GOT1: variants seen among roughly 807,000 people sequenced by gnomAD.
The protein encoded by GOT1 is glutamic-oxaloacetic transaminase 1, also known as aspartate aminotransferase, cytoplasmic.
GOT1 carries 25 observed loss-of-function variants against 48.2 expected under a neutral mutation model. The ratio of observed to expected loss-of-function variants is 0.52; its 90% confidence interval spans 0.38 to 0.72. The LOEUF (loss-of-function observed/expected upper bound fraction) is 0.72. Ranked by LOEUF, GOT1 falls within the 30% of genes least tolerant of loss-of-function variation. The pLI, the probability that GOT1 is intolerant of heterozygous loss-of-function variation, is 0.00. For missense variants in GOT1, 380 were observed against 520.1 expected, an observed-to-expected ratio of 0.73 and a Z score of 2.62; for synonymous variants, 188 against 193.8, an observed-to-expected ratio of 0.97 and a Z score of 0.25.
chr10:99,404,179 T>C (rs2032723676), intron 5 of GOT1, among the ~76,000 whole-genome samples: 1 of 152,178 alleles, frequency 6.6e-6, no homozygotes, highest in African/African-American at 2.4e-5. Context: ...TTTTCCTCTG[T>C]GAATTTCTGG....
At chr10:99,416,116 A>G (rs1284748900) in intron 2 of GOT1, among the ~76,000 whole-genome samples, 1 of 152,332 alleles carries the variant, frequency 6.6e-6, no homozygotes, top group East Asian at 1.9e-4. Flanking sequence ...AGAAAGAAAT[A>G]CAAGGTATTC....
In GOT1 at chr10:99,397,949, C is replaced by T. The variant is rs1209508492; in HGVS notation, c.1103-263G>A. Among the ~76,000 whole-genome samples the T allele has an allele frequency of 6.6e-6, 1 of 152,158 alleles. No homozygotes were observed. The highest frequency in any genetic ancestry group is 6.5e-5 in the Admixed American group (1 of 15,280). ...GGAATTTTAATCTGAGATTGCCTTC[C>T]AACCAAGCCTTATACATTATATCCA... On this transcript the variant is annotated intron_variant, in intron 8 of 8. Transcript: ENST00000370508. The surrounding 1 kb of genome is among the most constrained non-coding windows in gnomAD (Gnocchi z 5.4).
Position 99,430,604 on chromosome 10 carries a change from C to G in GOT1, c.-39G>C. The G allele has an allele frequency of 6.6e-7, 1 of 1,521,056 alleles. No homozygotes were observed. The highest frequency in any genetic ancestry group is 1.2e-5 in the South Asian group (1 of 80,988). The allele number at this position is 1,521,056 out of a possible 1,614,324, so 94.2% of individuals were successfully genotyped here. On this transcript the variant is annotated 5_prime_UTR_variant, in exon 1 of 9. Coordinates refer to ENST00000370508, the MANE Select transcript of GOT1 (RefSeq NM_002079.3). The stretch of plus-strand genomic sequence containing the variant: ...GAATCAAGAGATTTCACCCCACGCC[C>G]GGAGCTGGCAGGTCAGGTCTGGCCG...
Position 99,412,573 on chromosome 10 carries a change from C to T in GOT1, c.301-5724G>A, listed in dbSNP as rs1463390800. 2.6e-5 allele frequency among the ~76,000 whole-genome samples: 4 copies of T among 151,942 alleles called. No individual in the cohort carries two copies. In the East Asian group the frequency reaches 7.8e-4, roughly 30 times the overall value. ...GAAACCTCTGCAGACTTAAATGTCC[C>T]TGTCTGACAGCTTTGAAGAGAGTAG... On this transcript the variant is annotated intron_variant, in intron 2 of 8. Coordinates refer to ENST00000370508, the MANE Select transcript of GOT1 (RefSeq NM_002079.3).
At chr10:99,401,014 A>T (rs1161568647) in intron 8 of GOT1, among the ~76,000 whole-genome samples, 2 of 152,222 alleles carry the variant, frequency 1.3e-5, no homozygotes, top group Non-Finnish European at 2.9e-5. Flanking sequence ...AAGCGCTAAA[A>T]ATATAACTTT....
chr10:99,408,232 C>A (rs2032785596), intron 2 of GOT1, among the ~76,000 whole-genome samples: 1 of 152,122 alleles, frequency 6.6e-6, no homozygotes, highest in African/African-American at 2.4e-5. Flanking sequence ...CAGCACAAAT[C>A]CAGGTTTTCC....
chr10:99,400,844 G>A (rs1841223339), intron 8 of GOT1, among the ~76,000 whole-genome samples: 1 of 152,192 alleles, frequency 6.6e-6, no homozygotes, highest in Non-Finnish European at 1.5e-5. Flanking sequence ...GAGAGGCTGA[G>A]GCAGGAGAAT....
At chr10:99,422,614 T>C (rs1006655573) in intron 1 of GOT1, among the ~76,000 whole-genome samples, 4 of 152,168 alleles carry the variant, frequency 2.6e-5, no homozygotes, top group Non-Finnish European at 4.4e-5. Flanking sequence ...CCCATTCTTA[T>C]CCTCTATCTA....
At chr10:99,407,432 A>C (rs192848640) in intron 2 of GOT1, among the ~76,000 whole-genome samples, 10 of 140,390 alleles carry the variant, frequency 7.1e-5, no homozygotes, top group Non-Finnish European at 1.6e-4. Context: ...GCTTCCTCTC[A>C]TTTTTTTTTT....
chr10:99,427,307 T>A (rs185112782), intron 1 of GOT1, among the ~76,000 whole-genome samples: 2 of 152,298 alleles, frequency 1.3e-5, no homozygotes, highest in Admixed American at 1.3e-4. Flanking sequence ...CTCACTCTGT[T>A]GCCCAGGCTG....
At chr10:99,428,771 C>G (rs969421802) in intron 1 of GOT1, among the ~76,000 whole-genome samples, 2 of 152,182 alleles carry the variant, frequency 1.3e-5, no homozygotes, top group Non-Finnish European at 2.9e-5. Context: ...ATTAAGAGAC[C>G]AAATGGTGTC....
intron 8 of GOT1, among the ~76,000 whole-genome samples, chr10:99,398,954 C>T (rs1297041399): frequency 6.6e-6 from 1 of 152,178 alleles, no homozygotes; most frequent in Non-Finnish European, 1.5e-5. Context: ...CTGGGCTGTA[C>T]ACTGCCCCCG....
chr10:99,397,566 G>A lies in GOT1; in HGVS notation c.1223C>T (p.Ala408Val). The A allele has an allele frequency of 6.2e-7, 1 of 1,614,074 alleles. No homozygotes were observed. Among genetic ancestry groups the A allele is most frequent in the Non-Finnish European group, 8.5e-7 (1 of 1,180,012 alleles). Residue 408 changes from alanine (A) to valine (V), a missense_variant, in exon 9 of 9, where the codon GCA (alanine) becomes GTA (valine). Physicochemically the swap from Ala to Val is moderately conservative, Grantham distance 64. Transcript: ENST00000370508. The surrounding 1 kb of genome is among the most constrained non-coding windows in gnomAD (Gnocchi z 5.4). ...LDYVATSIHE[A>V]VTKIQ ...GTTTCTTCACTGGATTTTGGTGACTGCTTCATGGATGGAGGTGGCCACGTA... is the reference window on the plus strand; with the variant it reads ...GTTTCTTCACTGGATTTTGGTGACTACTTCATGGATGGAGGTGGCCACGTA...
chr10:99,425,239 G>C (rs73328383), intron 1 of GOT1, among the ~76,000 whole-genome samples: 4,658 of 152,338 alleles, frequency 0.031, 233 homozygotes, highest in African/African-American at 0.1. Flanking sequence ...AGAGGCCTGG[G>C]GAGCATGAGG....
intron 7 of GOT1, 115 bp downstream of exon 7, chr10:99,403,354 A>C (rs1022356005): frequency 4.5e-5 from 38 of 840,210 alleles, no homozygotes; most frequent in Non-Finnish European, 7.2e-5. Flanking sequence ...AAGAAGTTAA[A>C]GTAATTTTAT....
chr10:99,402,657 A>G lies in GOT1; in HGVS notation c.1025T>C (p.Leu342Pro). 5 of 1,613,682 alleles carry G rather than the reference A, an allele frequency of 3.1e-6. No individual in the cohort carries two copies. The highest frequency in any genetic ancestry group is 1.3e-5 in the African/African-American group (1 of 75,044). ...LTMRSELRAR[L>P]EALKTPGTWN... Reference sequence around the variant, plus strand: ...GGTCCCAGGGGTTTTGAGGGCTTCTAGTCGTGCCCTGAGTTCAGATCTCAT... The same window carrying G: ...GGTCCCAGGGGTTTTGAGGGCTTCTGGTCGTGCCCTGAGTTCAGATCTCAT... Residue 342 changes from leucine (L) to proline (P), a missense_variant, in exon 8 of 9, where the codon CTA (leucine) becomes CCA (proline). By Grantham distance (98) the Leu-to-Pro change is moderately conservative (BLOSUM62 -3). Coordinates refer to ENST00000370508, the MANE Select transcript of GOT1 (RefSeq NM_002079.3).
chr10:99,426,772 C>A (rs1283996302), intron 1 of GOT1, among the ~76,000 whole-genome samples: 1 of 152,120 alleles, frequency 6.6e-6, no homozygotes. Context: ...ATCATCACAG[C>A]AAGAAGAAAA....
chr10:99,407,766 CAA>C (rs2032780204), intron 2 of GOT1, among the ~76,000 whole-genome samples: 6 of 146,860 alleles, frequency 4.1e-5, no homozygotes, highest in Non-Finnish European at 7.4e-5. Context: ...CTAACATAGG[CAA>C]TAATAAAAGC....
intron 2 of GOT1, among the ~76,000 whole-genome samples, chr10:99,414,015 G>A (rs1192652173): frequency 6.6e-6 from 1 of 152,154 alleles, no homozygotes; most frequent in African/African-American, 2.4e-5. Context: ...ATCGAGGCTA[G>A]GAAGAAACTG....
Sources: allele counts gnomAD v4.1 joint callset (sites outside exome capture counted in the v4.1 genomes callset), GRCh38; gene constraint gnomAD v4.1.1; non-coding constraint Gnocchi (gnomAD v3.1); transcripts MANE v1.5; gene names NCBI Gene and HGNC (gene_info 2026-07-23, HGNC 2026-07-21).